DOCK2: variants seen among roughly 807,000 people sequenced by gnomAD.
DOCK2 encodes the protein dedicator of cytokinesis protein 2.
DOCK2 carries 87 observed loss-of-function variants against 248.9 expected under a neutral mutation model. The observed-to-expected ratio is 0.35, with a 90% CI of 0.29 to 0.42. The LOEUF is 0.42. Ranked by LOEUF, DOCK2 falls within the 10% of genes least tolerant of loss-of-function variation. The pLI, the probability that DOCK2 is intolerant of heterozygous loss-of-function variation, is 1.00. For missense variants in DOCK2, 1,747 were observed against 2,300.2 expected, an observed-to-expected ratio of 0.76 and a Z score of 4.92; for synonymous variants, 805 against 821.6, an observed-to-expected ratio of 0.98 and a Z score of 0.35.
intron 25 of DOCK2, among the ~76,000 whole-genome samples, chr5:169,802,444 G>A (rs7714667): frequency 0.15 from 22,302 of 152,204 alleles, 2,490 homozygotes; most frequent in African/African-American, 0.31. Context: ...CTGTACCAGA[G>A]AAGAATGTTC....
At chr5:169,903,144 G>T (rs1176386494) in intron 27 of DOCK2, among the ~76,000 whole-genome samples, 2 of 151,682 alleles carry the variant, frequency 1.3e-5, no homozygotes, top group Non-Finnish European at 2.9e-5. Context: ...GGTGGTCATG[G>T]TGCATATCTG....
intron 27 of DOCK2, among the ~76,000 whole-genome samples, chr5:169,939,050 T>C (rs1230582717): frequency 6.6e-6 from 1 of 151,414 alleles, no homozygotes; most frequent in Non-Finnish European, 1.5e-5. Context: ...ACTACAGGCA[T>C]GCACCACCAC....
At chr5:169,687,597 T>C (rs1462272563) in intron 8 of DOCK2, among the ~76,000 whole-genome samples, 2 of 152,348 alleles carry the variant, frequency 1.3e-5, no homozygotes, top group African/African-American at 4.8e-5. Flanking sequence ...TGGGCACTTA[T>C]TTAGCACCAA....
At chr5:169,991,619 C>T (rs1055283156) in intron 29 of DOCK2, among the ~76,000 whole-genome samples, 13 of 152,228 alleles carry the variant, frequency 8.5e-5, no homozygotes, top group Admixed American at 6.5e-4. Context: ...CTTTGAGTCA[C>T]GTGTTGGCTC....
rs35693648 is a variant in DOCK2, at chr5:169,773,449, C to CGTGT, written c.2554+11841_2554+11844dup. On this transcript the variant is annotated intron_variant, in intron 25 of 51. Transcript: ENST00000520908. ...ATGTAAATAAACTCAATAAACTCTTCGTGTGTGTGTGTGTGTGTGTAATTT... is the reference window on the plus strand; with the variant it reads ...ATGTAAATAAACTCAATAAACTCTTCGTGTGTGTGTGTGTGTGTGTGTGTAATTT... Among the ~76,000 whole-genome samples, 311 of 150,424 alleles carry CGTGT rather than the reference C, an allele frequency of 2.1e-3. 1 individual carries two copies. The highest frequency in any genetic ancestry group is 9.3e-3 in the South Asian group (44 of 4,732).
At chr5:169,915,955 A>G (rs1581411060) in intron 27 of DOCK2, among the ~76,000 whole-genome samples, 1 of 152,344 alleles carries the variant, frequency 6.6e-6, no homozygotes, top group East Asian at 1.9e-4. Flanking sequence ...GTTATGCTGA[A>G]TTCTGTAAGA....
chr5:170,060,120 G>C (rs77388685), intron 44 of DOCK2, among the ~76,000 whole-genome samples: 2,430 of 152,266 alleles, frequency 0.016, 58 homozygotes, highest in African/African-American at 0.055. Flanking sequence ...TTTCTGATGA[G>C]CTTCAAGTAT....
intron 26 of DOCK2, among the ~76,000 whole-genome samples, chr5:169,822,337 A>T (rs984030256): frequency 6.6e-6 from 1 of 152,178 alleles, no homozygotes; most frequent in Non-Finnish European, 1.5e-5. Flanking sequence ...ACCACACCAC[A>T]CCTGTTCCAA....
chr5:169,901,516 G>GA (rs1773923435), intron 27 of DOCK2, among the ~76,000 whole-genome samples: 1 of 152,148 alleles, frequency 6.6e-6, no homozygotes, highest in Admixed American at 6.5e-5. Flanking sequence ...GTTTTTCTGA[G>GA]AAAATGGACT....
At chr5:169,869,189 C>A (rs1771783957) in intron 27 of DOCK2, among the ~76,000 whole-genome samples, 2 of 152,194 alleles carry the variant, frequency 1.3e-5, no homozygotes, top group Non-Finnish European at 2.9e-5. Flanking sequence ...ACCTTACCAG[C>A]AGCATCACTC....
intron 30 of DOCK2, among the ~76,000 whole-genome samples, chr5:170,001,553 T>C (rs1024969306): frequency 6.6e-6 from 1 of 152,200 alleles, no homozygotes; most frequent in African/African-American, 2.4e-5. Flanking sequence ...TGAACCTCTC[T>C]GGGCCTCAGT....
chr5:169,829,484 C>A (rs1365605069), intron 26 of DOCK2, among the ~76,000 whole-genome samples: 3 of 152,174 alleles, frequency 2.0e-5, no homozygotes, highest in Non-Finnish European at 2.9e-5. Flanking sequence ...CATGTACCCC[C>A]ATTTCTGCAA....
intron 25 of DOCK2, among the ~76,000 whole-genome samples, chr5:169,790,685 T>C (rs1766281447): frequency 6.6e-6 from 1 of 152,244 alleles, no homozygotes; most frequent in Non-Finnish European, 1.5e-5. Flanking sequence ...GAAAAACTTC[T>C]GCATAGCATT....
rs1013983398 is a variant in DOCK2 at position 169,646,440 on chromosome 5, A to T, written c.44-7963A>T. ...GAGGAAACTGAGGCATAGATCTTTG[A>T]GGTCTCTCTGAAAATTCCCTCTATT... On this transcript the variant is annotated intron_variant, in intron 1 of 51. Transcript: ENST00000520908. Among the ~76,000 whole-genome samples the T allele has an allele frequency of 3.3e-5, 5 of 152,274 alleles. 1 individual carries two copies. Among genetic ancestry groups the T allele is most frequent in the African/African-American group, 9.6e-5 (4 of 41,552 alleles).
At chr5:169,811,190 A>G (rs1487147694) in intron 26 of DOCK2, among the ~76,000 whole-genome samples, 3 of 152,136 alleles carry the variant, frequency 2.0e-5, no homozygotes, top group African/African-American at 7.2e-5. Context: ...CGTGTGGGAA[A>G]GCAGTCCACC....
intron 1 of DOCK2, among the ~76,000 whole-genome samples, chr5:169,651,787 A>G (rs1203617690): frequency 1.3e-5 from 2 of 152,222 alleles, no homozygotes; most frequent in Admixed American, 6.5e-5. Flanking sequence ...GCGTTTATGC[A>G]GGAGGAGAGA....
chr5:170,080,540 G>A (rs928786503), intron 50 of DOCK2: 3 of 472,332 alleles, frequency 6.4e-6, no homozygotes, highest in African/African-American at 3.9e-5. Flanking sequence ...GATTCACTGA[G>A]CATCCATTTG....
chr5:169,713,892 C>CT, intron 17 of DOCK2, 136 bp from the exon 18 acceptor site: 4 of 957,588 alleles, frequency 4.2e-6, no homozygotes, highest in Non-Finnish European at 5.8e-6. Context: ...CAGCCAATGT[C>CT]TATTGCTTCT....
intron 30 of DOCK2, among the ~76,000 whole-genome samples, chr5:170,003,664 C>A (rs1364908065): frequency 6.6e-6 from 1 of 152,200 alleles, no homozygotes; most frequent in East Asian, 1.9e-4. Flanking sequence ...CTGAGCAGAC[C>A]AGGCCACCTA....
Sources: allele counts gnomAD v4.1 joint callset (sites outside exome capture counted in the v4.1 genomes callset), GRCh38; gene constraint gnomAD v4.1.1; transcripts MANE v1.5; gene names NCBI Gene and HGNC (gene_info 2026-07-23, HGNC 2026-07-21).